Variants in SLMAP observed in about 807,000 individuals in gnomAD.
SLMAP encodes the protein sarcolemmal membrane-associated protein.
A neutral mutation model predicts 128.8 loss-of-function variants in SLMAP; 44 were observed. The ratio of observed to expected loss-of-function variants is 0.34; its 90% confidence interval spans 0.27 to 0.44. The LOEUF (loss-of-function observed/expected upper bound fraction) is 0.44, where lower values mean the gene tolerates loss of function less well. SLMAP is among the 20% of genes least tolerant of loss of function. SLMAP has a pLI of 1.00. For missense variants in SLMAP, 787 were observed against 985.3 expected (o/e 0.80, Z 2.69); for synonymous variants, 327 against 348.8 (o/e 0.94, Z 0.70).
intron 2 of SLMAP, among the ~76,000 whole-genome samples, chr3:57,759,694 A>G (rs928485338): frequency 1.3e-5 from 2 of 152,122 alleles, no homozygotes; most frequent in African/African-American, 4.8e-5. Context: ...TCACCATTTT[A>G]TGTTCTTGGG....
intron 2 of SLMAP, among the ~76,000 whole-genome samples, chr3:57,801,954 A>G (rs1234144712): frequency 6.6e-6 from 1 of 152,202 alleles, no homozygotes; most frequent in Non-Finnish European, 1.5e-5. Flanking sequence ...AACAAACTGA[A>G]TCCTTTAAAT....
intron 2 of SLMAP, among the ~76,000 whole-genome samples, chr3:57,760,267 T>A (rs753534423): frequency 2.6e-5 from 4 of 152,200 alleles, no homozygotes; most frequent in African/African-American, 4.8e-5. Flanking sequence ...GAAAAACTTA[T>A]CTTTGAATGG....
chr3:57,903,867 T>G (rs1321891193), intron 17 of SLMAP, among the ~76,000 whole-genome samples: 1 of 152,174 alleles, frequency 6.6e-6, no homozygotes, highest in Non-Finnish European at 1.5e-5. Context: ...CCACCAGTAC[T>G]CATCACAAGA....
At chr3:57,869,660 A>ATATATATATATATATATATATAAT (rs1553900183) in intron 13 of SLMAP, among the ~76,000 whole-genome samples, 1 of 81,392 alleles carries the variant, frequency 1.2e-5, no homozygotes, top group Admixed American at 1.4e-4. Context: ...ATATATATAT[A>ATATATATATATATATATATATAAT]ATATATATAA....
Position 57,912,586 on chromosome 3 carries a change from G to A in SLMAP, c.1905G>A (p.Arg635=). The change falls in exon 20 of 25, where the codon CGG becomes CGA. Residue 635 remains arginine (R), a synonymous_variant. Transcript: ENST00000671191. ...ELKKVRAELE[R]WRKAASEYEK... ...AGAAGGTGAGAGCTGAGCTTGAGCGGTGGCGGAAAGCAGCGTCTGAATATG... is the reference window on the plus strand; with the variant it reads ...AGAAGGTGAGAGCTGAGCTTGAGCGATGGCGGAAAGCAGCGTCTGAATATG... 1.9e-6 allele frequency: 3 copies of A among 1,614,174 alleles called. No homozygotes were observed. Among genetic ancestry groups the A allele is most frequent in the South Asian group, 2.2e-5 (2 of 91,088 alleles).
intron 15 of SLMAP, among the ~76,000 whole-genome samples, chr3:57,895,713 G>A (rs1219199017): frequency 6.6e-6 from 1 of 152,094 alleles, no homozygotes; most frequent in South Asian, 2.1e-4. Flanking sequence ...AGGCTGAGAC[G>A]GGAGGATCAG....
intron 2 of SLMAP, among the ~76,000 whole-genome samples, chr3:57,827,118 A>G (rs114828543): frequency 0.018 from 2,774 of 152,250 alleles, 73 homozygotes; most frequent in African/African-American, 0.063. Flanking sequence ...GAACTCCCCT[A>G]TATGGACTTA....
chr3:57,920,689 C>T lies in SLMAP; in HGVS notation c.2311-2200C>T, dbSNP rs568452493. Among the ~76,000 whole-genome samples the T allele has an allele frequency of 3.9e-5, 6 of 152,178 alleles. 1 individual carries two copies. The South Asian group carries it at 1.2e-3, about 32-fold the overall frequency. On this transcript the variant is annotated intron_variant, in intron 22 of 24. Coordinates refer to ENST00000671191, the MANE Select transcript of SLMAP (RefSeq NM_001377540.1). ...ATGGTATATCTATTTTATATTCAAT[C>T]CTTGTCTATCTTCCTTCTAAAACCT...
intron 14 of SLMAP, among the ~76,000 whole-genome samples, chr3:57,882,287 G>C (rs1000322010): frequency 8.5e-5 from 13 of 152,096 alleles, no homozygotes; most frequent in African/African-American, 2.4e-4. Context: ...ACAAGCTCTT[G>C]AGGAGACAAA....
At chr3:57,904,480 A>T (rs1195252905) in intron 17 of SLMAP, among the ~76,000 whole-genome samples, 1 of 152,246 alleles carries the variant, frequency 6.6e-6, no homozygotes, top group Non-Finnish European at 1.5e-5. Context: ...TTTATGCTTA[A>T]ATACCTCAGT....
In SLMAP at chr3:57,847,222, C is replaced by G; in HGVS notation, c.445C>G (p.Pro149Ala). 1 of 1,609,488 alleles carries G rather than the reference C, an allele frequency of 6.2e-7. No homozygotes were observed. Among genetic ancestry groups the G allele is most frequent in the Non-Finnish European group, 8.5e-7 (1 of 1,177,062 alleles). Residue 149 changes from proline (P) to alanine (A), a missense_variant, in exon 5 of 25, where the codon CCT becomes GCT. By Grantham distance (27) the Pro-to-Ala change is conservative (BLOSUM62 -1). Transcript: ENST00000671191. ...TGTCATCCATGCACCATTACCAAGT[C>G]CTGTTGACAAAGTAAGTTGCTAATG... is the stretch of plus-strand genomic sequence containing the variant. ...SDVIHAPLPS[P>A]VDKVAANTPS... is the part of the protein sequence containing the mutation.
intron 2 of SLMAP, among the ~76,000 whole-genome samples, chr3:57,784,268 T>TG (rs2083631895): frequency 6.6e-6 from 1 of 152,122 alleles, no homozygotes; most frequent in Non-Finnish European, 1.5e-5. Flanking sequence ...TGAGAGCTGC[T>TG]GGGTGGACTG....
At chr3:57,898,142 G>C (rs1456228552) in intron 17 of SLMAP, 2 of 152,156 alleles carry the variant, frequency 1.3e-5, no homozygotes, top group East Asian at 3.9e-4. Context: ...TATAAGGAAG[G>C]AGCACTCTTA....
At chr3:57,852,659 G>A (rs1301297728) in intron 6 of SLMAP, among the ~76,000 whole-genome samples, 2 of 152,198 alleles carry the variant, frequency 1.3e-5, no homozygotes, top group African/African-American at 2.4e-5. Context: ...TATTAGAGGT[G>A]GAAGAAAACT....
At position 57,919,698 on chromosome 3, in the gene SLMAP, G is replaced by A. The variant is rs375572109; in HGVS notation, c.2310+2621G>A. ...AATCCCAGTTACTTGGGAGGCTGAGGCAGGAGAATCGCTTTGAACCCGGGA... is the reference window on the plus strand; with the variant it reads ...AATCCCAGTTACTTGGGAGGCTGAGACAGGAGAATCGCTTTGAACCCGGGA... On this transcript the variant is annotated intron_variant, in intron 22 of 24. Transcript: ENST00000671191. 5.1e-4 allele frequency among the ~76,000 whole-genome samples: 77 copies of A among 151,640 alleles called. No homozygotes were observed. In the East Asian group the frequency reaches 0.011, roughly 21 times the overall value.
At chr3:57,863,939 C>G (rs1047443166) in intron 10 of SLMAP, among the ~76,000 whole-genome samples, 1 of 152,054 alleles carries the variant, frequency 6.6e-6, no homozygotes, top group South Asian at 2.1e-4. Context: ...AGGGAAAAAT[C>G]TTACTTCCCT....
chr3:57,765,779 TAG>T (rs1160086206), intron 2 of SLMAP, among the ~76,000 whole-genome samples: 1 of 152,320 alleles, frequency 6.6e-6, no homozygotes, highest in Non-Finnish European at 1.5e-5. Flanking sequence ...TGAACATGTA[TAG>T]GAAGCCAGAT....
chr3:57,799,516 A>G (rs2087668369), intron 2 of SLMAP, among the ~76,000 whole-genome samples: 1 of 152,140 alleles, frequency 6.6e-6, no homozygotes, highest in South Asian at 2.1e-4. Context: ...TAGTATTTAT[A>G]TTTCTCTCCA....
At chr3:57,808,808 TC>T (rs1273438388) in intron 2 of SLMAP, among the ~76,000 whole-genome samples, 22 of 152,206 alleles carry the variant, frequency 1.4e-4, no homozygotes, top group African/African-American at 4.8e-4. Flanking sequence ...GTCTTGAATA[TC>T]CTTGTTAATT....
Sources: allele counts gnomAD v4.1 joint callset (sites outside exome capture counted in the v4.1 genomes callset), GRCh38; gene constraint gnomAD v4.1.1; transcripts MANE v1.5; gene names NCBI Gene and HGNC (gene_info 2026-07-23, HGNC 2026-07-21).